The following LONP2 variants were observed in gnomAD, a reference collection of about 807,000 sequenced individuals.
The protein encoded by LONP2 is lon peptidase 2, peroxisomal, also known as lon protease homolog 2, peroxisomal.
A neutral mutation model predicts 85.6 loss-of-function variants in LONP2; 60 were observed. The observed-to-expected ratio is 0.70, with a 90% CI of 0.57 to 0.87. The LOEUF (loss-of-function observed/expected upper bound fraction) is 0.87, where lower values mean the gene tolerates loss of function less well. LONP2 is among the 40% of genes least tolerant of loss of function. The pLI is 0.00. For synonymous variants in LONP2, 395 were observed against 389.7 expected, an observed-to-expected ratio of 1.01 and a Z score of -0.16; for missense variants, 860 against 1,063.5, an observed-to-expected ratio of 0.81 and a Z score of 2.66.
chr16:48,358,787 C>T (rs1386226871), downstream of LONP2, among the ~76,000 whole-genome samples: 2 of 152,264 alleles, frequency 1.3e-5, no homozygotes, highest in Non-Finnish European at 2.9e-5. Context: ...CCATTATACT[C>T]CAGCCTGGGT....
In LONP2 at chr16:48,332,185, A is replaced by T. The variant is rs151335910; in HGVS notation, c.1796-2031A>T. On this transcript the variant is annotated intron_variant, in intron 11 of 14. Coordinates refer to ENST00000285737, the MANE Select transcript of LONP2 (RefSeq NM_031490.5). Reference sequence around the variant, plus strand: ...TCCAAGAAAATATAAAAATAAAATAAGGGTCTACTAGTATTAAACATACTC... The same window carrying T: ...TCCAAGAAAATATAAAAATAAAATATGGGTCTACTAGTATTAAACATACTC... Among the ~76,000 whole-genome samples, 397 of 152,356 alleles carry T rather than the reference A, an allele frequency of 2.6e-3. 2 individuals carry two copies. Among genetic ancestry groups the T allele is most frequent in the African/African-American group, 7.7e-3 (322 of 41,580 alleles).
chr16:48,285,799 A>G (rs974055010), intron 8 of LONP2, among the ~76,000 whole-genome samples: 11 of 152,210 alleles, frequency 7.2e-5, no homozygotes, highest in African/African-American at 2.7e-4. Context: ...GTTAGTAAAT[A>G]TAACAGAAAA....
At chr16:48,245,092 TGA>T (rs1971284525) in intron 1 of LONP2, among the ~76,000 whole-genome samples, 1 of 152,190 alleles carries the variant, frequency 6.6e-6, no homozygotes, top group East Asian at 1.9e-4. Flanking sequence ...CTCTGCTCCG[TGA>T]GTTTTAACTT....
intron 1 of LONP2, among the ~76,000 whole-genome samples, chr16:48,249,911 G>T (rs1971587710): frequency 6.6e-6 from 1 of 152,070 alleles, no homozygotes; most frequent in Non-Finnish European, 1.5e-5. Context: ...ACCCCTTTTG[G>T]CCAGGTGTGG....
chr16:48,315,225 T>C (rs1356205499), intron 11 of LONP2, among the ~76,000 whole-genome samples: 3 of 152,212 alleles, frequency 2.0e-5, no homozygotes, highest in Admixed American at 6.5e-5. Context: ...CAGTAAACAC[T>C]ATGCCTTGCC....
At chr16:48,303,844 C>T (rs1391925280) in intron 11 of LONP2, among the ~76,000 whole-genome samples, 1 of 152,184 alleles carries the variant, frequency 6.6e-6, no homozygotes, top group Non-Finnish European at 1.5e-5. Context: ...AAGCATCCAG[C>T]ACGGGAGAAA....
Position 48,244,387 on chromosome 16 carries a change from G to C in LONP2, c.-2G>C. The C allele has an allele frequency of 6.5e-7, 1 of 1,540,340 alleles. No homozygotes were observed. The highest frequency in any genetic ancestry group is 2.6e-5 in the East Asian group (1 of 38,368). On this transcript the variant is annotated 5_prime_UTR_variant, in exon 1 of 15. Transcript: ENST00000285737. Reference sequence around the variant, plus strand: ...CAGCCCCCAGTGCGAAAGGCTGCCAGCATGTCATCAGTGAGCCCCATCCAG... The same window carrying C: ...CAGCCCCCAGTGCGAAAGGCTGCCACCATGTCATCAGTGAGCCCCATCCAG...
chr16:48,299,675 G>A lies in LONP2; in HGVS notation c.1548G>A (p.Glu516=), dbSNP rs770947976. 2 of 1,613,392 alleles carry A rather than the reference G, an allele frequency of 1.2e-6. No homozygotes were observed. The highest frequency in any genetic ancestry group is 1.7e-6 in the Non-Finnish European group (2 of 1,179,680). ...EIIQVPGYTQ[E]EKIEIAHRHL... ...CTTCTTTTCCAGGTTATACACAGGAGGAGAAGATAGAGATTGCCCATAGGC... is the reference window on the plus strand; with the variant it reads ...CTTCTTTTCCAGGTTATACACAGGAAGAGAAGATAGAGATTGCCCATAGGC... Residue 516 remains glutamate (E), a synonymous_variant, in exon 10 of 15, where the codon GAG becomes GAA. Transcript: ENST00000285737.
intron 6 of LONP2, 101 bp from the exon 7 acceptor site, chr16:48,269,915 C>A: frequency 8.2e-7 from 1 of 1,217,978 alleles, no homozygotes; most frequent in East Asian, 2.5e-5. Context: ...CTTATCACAT[C>A]TATTTTCAAA....
At chr16:48,296,315 T>C in intron 9 of LONP2, 150 bp downstream of exon 9, 2 of 849,280 alleles carry the variant, frequency 2.4e-6, no homozygotes, top group Non-Finnish European at 3.5e-6. Flanking sequence ...TCAGTTTCTA[T>C]GTAGCTTCAA....
intron 6 of LONP2, among the ~76,000 whole-genome samples, chr16:48,266,033 C>CA (rs1328679423): frequency 2.6e-5 from 4 of 152,002 alleles, no homozygotes; most frequent in Non-Finnish European, 5.9e-5. Flanking sequence ...ACAGGAGTTT[C>CA]ACTCTTGTCG....
chr16:48,330,453 G>A (rs1355708885), intron 11 of LONP2, among the ~76,000 whole-genome samples: 1 of 152,214 alleles, frequency 6.6e-6, no homozygotes, highest in Non-Finnish European at 1.5e-5. Context: ...TCTTCTCCTG[G>A]TGCTGGTCCT....
At chr16:48,313,381 G>A (rs1415311996) in intron 11 of LONP2, among the ~76,000 whole-genome samples, 2 of 152,048 alleles carry the variant, frequency 1.3e-5, no homozygotes, top group Admixed American at 1.3e-4. Flanking sequence ...TATTATGTAG[G>A]TAAACATGTG....
chr16:48,361,257 A>G (rs963953122), downstream of LONP2: 6 of 281,726 alleles, frequency 2.1e-5, no homozygotes, highest in African/African-American at 1.3e-4. Flanking sequence ...ACGCAAAAAC[A>G]AACTTTTTCA....
chr16:48,280,035 C>T (rs962043428), intron 8 of LONP2, among the ~76,000 whole-genome samples: 3 of 152,092 alleles, frequency 2.0e-5, no homozygotes, highest in African/African-American at 7.2e-5. Flanking sequence ...TAAAAAAGTA[C>T]AGTTACCTTA....
chr16:48,351,508 A>G (rs1960145848), intron 14 of LONP2, 73 bp from the exon 15 acceptor site: 1 of 1,215,494 alleles, frequency 8.2e-7, no homozygotes, highest in African/African-American at 1.5e-5. Flanking sequence ...ATTCAGTGAA[A>G]GAAAGCTGGG....
intron 8 of LONP2, among the ~76,000 whole-genome samples, chr16:48,277,796 C>T (rs1972244411): frequency 6.6e-6 from 1 of 151,856 alleles, no homozygotes; most frequent in African/African-American, 2.4e-5. Flanking sequence ...CTCCTTCTCC[C>T]TGGGGTCCCC....
chr16:48,305,290 T>C (rs565195222), intron 11 of LONP2, among the ~76,000 whole-genome samples: 1 of 152,358 alleles, frequency 6.6e-6, no homozygotes, highest in Admixed American at 6.5e-5. Context: ...AGTCTCGCTC[T>C]GTCGTCCAGG....
intron 11 of LONP2, among the ~76,000 whole-genome samples, chr16:48,307,167 T>C (rs1210014647): frequency 6.6e-6 from 1 of 152,192 alleles, no homozygotes; most frequent in Admixed American, 6.5e-5. Context: ...AGATTTAGAA[T>C]TGATCGATCT....
Sources: allele counts gnomAD v4.1 joint callset (sites outside exome capture counted in the v4.1 genomes callset), GRCh38; gene constraint gnomAD v4.1.1; transcripts MANE v1.5; gene names NCBI Gene and HGNC (gene_info 2026-07-23, HGNC 2026-07-21).